Variants in ST8SIA4 observed in about 807,000 individuals in gnomAD.
ST8SIA4 encodes CMP-N-acetylneuraminate-poly-alpha-2,8-sialyltransferase.
In ST8SIA4, 15 loss-of-function variants were observed where a neutral mutation model predicts 33.9. That is an observed-to-expected ratio of 0.44 (90% CI 0.30 to 0.68). The LOEUF is 0.68. Among genes scored for constraint, ST8SIA4 ranks in the 30% least tolerant of loss-of-function variants. The pLI is 0.10. For synonymous variants in ST8SIA4, 171 were observed against 151.2 expected (o/e 1.13, Z -0.96); for missense variants, 321 against 428.0 (o/e 0.75, Z 2.21).
chr5:100,817,050 C>G (rs1750938327), intron 4 of ST8SIA4, among the ~76,000 whole-genome samples: 1 of 147,674 alleles, frequency 6.8e-6, no homozygotes, highest in Non-Finnish European at 1.5e-5. Flanking sequence ...TGAAACTATT[C>G]TCCTGCTTAA....
chr5:100,828,179 G>A (rs1456936317), intron 4 of ST8SIA4, among the ~76,000 whole-genome samples: 4 of 152,078 alleles, frequency 2.6e-5, no homozygotes, highest in Non-Finnish European at 1.5e-5. Context: ...GGGTTCTGGG[G>A]GAGTTTTCAC....
Position 100,840,740 on chromosome 5 carries a change from CA to C in ST8SIA4, c.797+15362del, listed in dbSNP as rs1358093461. On this transcript the variant is annotated intron_variant, in intron 4 of 4. Transcript: ENST00000231461. ...TAGGGTCTCTTTTCCAGTCAGCCTA[CA>C]TTCTTTCTTATAACATTCTTGTCTC... is the stretch of plus-strand genomic sequence containing the variant. Among the ~76,000 whole-genome samples the C allele has an allele frequency of 2.0e-5, 3 of 151,500 alleles. No homozygotes were observed. In the Admixed American group the frequency reaches 2.0e-4, roughly 10 times the overall value.
Position 100,849,131 on chromosome 5 carries a change from A to C in ST8SIA4, c.797+6972T>G, listed in dbSNP as rs115871579. On this transcript the variant is annotated intron_variant, in intron 4 of 4. Transcript: ENST00000231461. ...GAACCTGTTTAGGAAGTTACAGAGA[A>C]TACATTCCTGAGGATGTTTAATTAA... 6.0e-4 allele frequency: 586 copies of C among 976,432 alleles called. 3 individuals are homozygous for C. The African/African-American group carries it at 9.4e-3, about 16-fold the overall frequency. The allele number at this position is 976,432 out of a possible 1,614,324, so 60.5% of individuals were successfully genotyped here.
At chr5:100,814,197 A>G (rs892040037) in intron 4 of ST8SIA4, among the ~76,000 whole-genome samples, 17 of 152,020 alleles carry the variant, frequency 1.1e-4, no homozygotes, top group Admixed American at 9.2e-4. Flanking sequence ...AATCACTCCA[A>G]ATTTTTTGAT....
In ST8SIA4 at chr5:100,839,975, C is replaced by T. The variant is rs958187345; in HGVS notation, c.797+16128G>A. Among the ~76,000 whole-genome samples, 5 of 151,430 alleles carry T rather than the reference C, an allele frequency of 3.3e-5. No homozygotes were observed. In the Admixed American group the frequency reaches 3.3e-4, roughly 10 times the overall value. On this transcript the variant is annotated intron_variant, in intron 4 of 4. Transcript: ENST00000231461. ...CATGAAAATATTTTCCATATGTAAGCATTAGCTACATATAATATATACATA... is the reference window on the plus strand; with the variant it reads ...CATGAAAATATTTTCCATATGTAAGTATTAGCTACATATAATATATACATA...
At chr5:100,871,013 A>C (rs945740426) in intron 3 of ST8SIA4, among the ~76,000 whole-genome samples, 5 of 152,126 alleles carry the variant, frequency 3.3e-5, no homozygotes, top group Admixed American at 1.3e-4. Flanking sequence ...GTAATTTTAA[A>C]AACATCATTC....
chr5:100,881,390 G>T (rs1333947695), intron 3 of ST8SIA4, among the ~76,000 whole-genome samples: 2 of 152,116 alleles, frequency 1.3e-5, no homozygotes. Flanking sequence ...AAGAGAAAGC[G>T]CCTGGGAAAT....
chr5:100,839,282 G>GCACATAAATAATAATATGGCACATA (rs1751425662), intron 4 of ST8SIA4, among the ~76,000 whole-genome samples: 1 of 151,934 alleles, frequency 6.6e-6, no homozygotes, highest in Non-Finnish European at 1.5e-5. Context: ...TATTTCAAAT[G>GCACATAAATAATAATATGGCACATA]TACATAGTTT....
intron 4 of ST8SIA4, among the ~76,000 whole-genome samples, chr5:100,839,175 A>C (rs1272843655): frequency 6.6e-6 from 1 of 151,960 alleles, no homozygotes; most frequent in Non-Finnish European, 1.5e-5. Context: ...ATATGCAAAA[A>C]AATTATATTT....
intron 4 of ST8SIA4, among the ~76,000 whole-genome samples, chr5:100,837,360 A>C (rs1421468680): frequency 1.3e-5 from 2 of 152,034 alleles, no homozygotes; most frequent in Non-Finnish European, 2.9e-5. Context: ...TTGCCAGTGC[A>C]ATTGCATTGG....
chr5:100,850,410 A>G (rs1024000505), intron 4 of ST8SIA4, among the ~76,000 whole-genome samples: 12 of 151,898 alleles, frequency 7.9e-5, no homozygotes, highest in African/African-American at 2.9e-4. Flanking sequence ...GTACATATAT[A>G]TTACTTTTGT....
intron 3 of ST8SIA4, among the ~76,000 whole-genome samples, chr5:100,876,799 T>G (rs1461307207): frequency 6.6e-6 from 1 of 152,062 alleles, no homozygotes; most frequent in Non-Finnish European, 1.5e-5. Flanking sequence ...AGAAATCAGT[T>G]TGATATTGAG....
chr5:100,874,942 C>T (rs2112460698), intron 3 of ST8SIA4, among the ~76,000 whole-genome samples: 1 of 152,200 alleles, frequency 6.6e-6, no homozygotes, highest in Middle Eastern at 3.4e-3. Flanking sequence ...ATATTTAGCA[C>T]ATCAAACAAT....
intron 4 of ST8SIA4, among the ~76,000 whole-genome samples, chr5:100,821,932 T>G (rs1712385722): frequency 6.6e-6 from 1 of 152,176 alleles, no homozygotes; most frequent in Admixed American, 6.5e-5. Context: ...GACAAGGGCT[T>G]TCCATGAGCA....
intron 2 of ST8SIA4, among the ~76,000 whole-genome samples, chr5:100,892,406 A>G (rs1489978018): frequency 2.0e-5 from 3 of 152,140 alleles, no homozygotes; most frequent in Admixed American, 2.0e-4. Context: ...TAGAATGCAT[A>G]AACTCCATAT....
intron 2 of ST8SIA4, 53 bp downstream of exon 2, chr5:100,895,601 A>G (rs1465778834): frequency 2.6e-5 from 40 of 1,567,236 alleles, no homozygotes; most frequent in Admixed American, 2.4e-4. Context: ...GCCAAGCCCA[A>G]CGTATTTGAG....
At chr5:100,815,776 G>A (rs1331889606) in intron 4 of ST8SIA4, among the ~76,000 whole-genome samples, 1 of 152,106 alleles carries the variant, frequency 6.6e-6, no homozygotes, top group Admixed American at 6.5e-5. Context: ...CTTTGTATCT[G>A]TGATATGTTT....
chr5:100,862,468 G>A (rs1161633208), intron 3 of ST8SIA4, among the ~76,000 whole-genome samples: 2 of 151,956 alleles, frequency 1.3e-5, no homozygotes, highest in East Asian at 1.9e-4. Context: ...GCGGGATATC[G>A]GCTCCCTCCT....
At chr5:100,812,182 G>T in intron 4 of ST8SIA4, 53 bp from the exon 5 acceptor site, 3 of 1,501,506 alleles carry the variant, frequency 2.0e-6, no homozygotes, top group Non-Finnish European at 1.8e-6. Context: ...CACACATAGA[G>T]CATATCCTAT....
Sources: gnomAD v4.1 joint callset for allele counts (sites outside exome capture counted in the v4.1 genomes callset) on GRCh38, gnomAD v4.1.1 for gene constraint, MANE v1.5 for transcripts, NCBI Gene and HGNC (gene_info 2026-07-23, HGNC 2026-07-21) for gene names.